NRXN1: variants seen among roughly 807,000 people sequenced by gnomAD.
The protein encoded by NRXN1 is neurexin-1.
A neutral mutation model predicts 150.9 loss-of-function variants in NRXN1; 39 were observed. That is an observed-to-expected ratio of 0.26 (90% CI 0.20 to 0.34). The LOEUF (loss-of-function observed/expected upper bound fraction) is 0.34. Among genes scored for constraint, NRXN1 ranks in the 10% least tolerant of loss-of-function variants. The pLI, the probability that NRXN1 is intolerant of heterozygous loss-of-function variation, is 1.00. For synonymous variants in NRXN1, 924 were observed against 757.0 expected (o/e 1.22, Z -3.62); for missense variants, 1,815 against 1,949.9 (o/e 0.93, Z 1.30).
intron 5 of NRXN1, among the ~76,000 whole-genome samples, chr2:50,694,967 A>G (rs1692606390): frequency 6.6e-6 from 1 of 152,118 alleles, no homozygotes; most frequent in African/African-American, 2.4e-5. Flanking sequence ...TCATAGCCAA[A>G]TCACCTCCAT....
At chr2:50,011,521 C>T (rs1038037122) in intron 21 of NRXN1, among the ~76,000 whole-genome samples, 2 of 152,056 alleles carry the variant, frequency 1.3e-5, no homozygotes, top group Non-Finnish European at 1.5e-5. Context: ...TATCTTTGTG[C>T]TCAAGTGTTT....
intron 2 of NRXN1, among the ~76,000 whole-genome samples, chr2:50,978,081 C>T (rs1208076312): frequency 6.6e-6 from 1 of 150,990 alleles, no homozygotes; most frequent in African/African-American, 2.4e-5. Flanking sequence ...ACTGATACTA[C>T]AGTGATCTAT....
At chr2:50,710,202 C>A (rs1030509128) in intron 5 of NRXN1, among the ~76,000 whole-genome samples, 1 of 152,142 alleles carries the variant, frequency 6.6e-6, no homozygotes, top group Non-Finnish European at 1.5e-5. Flanking sequence ...GTCGACCACA[C>A]GCCAGGAAAG....
At chr2:49,939,281 GA>G (rs951719996) in intron 22 of NRXN1, among the ~76,000 whole-genome samples, 1 of 152,146 alleles carries the variant, frequency 6.6e-6, no homozygotes, top group Admixed American at 6.5e-5. Context: ...GAAAAATTAT[GA>G]AAAAAATGTT....
intron 5 of NRXN1, among the ~76,000 whole-genome samples, chr2:50,793,626 G>A: frequency 6.6e-6 from 1 of 152,056 alleles, no homozygotes; most frequent in East Asian, 1.9e-4. Context: ...ACAGAAAGAG[G>A]CAGCTGAAGA....
chr2:50,914,227 A>T (rs1306748387), intron 5 of NRXN1, among the ~76,000 whole-genome samples: 2 of 151,728 alleles, frequency 1.3e-5, no homozygotes, highest in Non-Finnish European at 2.9e-5. Context: ...GTGCTGAGAA[A>T]GAAAAATCAA....
chr2:50,153,627 G>A (rs1044967803), intron 18 of NRXN1, among the ~76,000 whole-genome samples: 8 of 151,660 alleles, frequency 5.3e-5, no homozygotes, highest in Admixed American at 1.3e-4. Context: ...TATGCACACC[G>A]ACTTTCTAAT....
At chr2:50,427,724 C>G (rs2084614153) in intron 17 of NRXN1, among the ~76,000 whole-genome samples, 2 of 152,342 alleles carry the variant, frequency 1.3e-5, no homozygotes, top group East Asian at 3.9e-4. Flanking sequence ...GCCCTTGCTT[C>G]AGTCAGTAAT....
chr2:50,488,649 T>TC (rs1400960240), intron 15 of NRXN1, among the ~76,000 whole-genome samples: 1 of 152,174 alleles, frequency 6.6e-6, no homozygotes, highest in Non-Finnish European at 1.5e-5. Flanking sequence ...TGTCTCCCTG[T>TC]CCCTTTCCAC....
At chr2:50,572,474 T>C (rs1388954979) in intron 8 of NRXN1, among the ~76,000 whole-genome samples, 1 of 152,216 alleles carries the variant, frequency 6.6e-6, no homozygotes, top group Non-Finnish European at 1.5e-5. Context: ...AATATATGAA[T>C]GATTTCAAAG....
At chr2:50,416,883 T>G (rs2083578487) in intron 17 of NRXN1, among the ~76,000 whole-genome samples, 1 of 152,162 alleles carries the variant, frequency 6.6e-6, no homozygotes, top group Non-Finnish European at 1.5e-5. Flanking sequence ...GAGATTTCGG[T>G]GGGGACACAG....
At chr2:50,915,021 T>C (rs1174006391) in intron 5 of NRXN1, among the ~76,000 whole-genome samples, 2 of 151,562 alleles carry the variant, frequency 1.3e-5, no homozygotes, top group Non-Finnish European at 3.0e-5. Flanking sequence ...TGTTAAAAGA[T>C]AGTAATTTCT....
chr2:49,997,616 C>T (rs1351309582), intron 21 of NRXN1, among the ~76,000 whole-genome samples: 2 of 152,048 alleles, frequency 1.3e-5, no homozygotes, highest in Admixed American at 1.3e-4. Flanking sequence ...CATTTTTATC[C>T]TAACATAGCC....
intron 5 of NRXN1, among the ~76,000 whole-genome samples, chr2:50,688,490 T>G (rs2104855714): frequency 6.6e-6 from 1 of 152,258 alleles, no homozygotes; most frequent in Non-Finnish European, 1.5e-5. Flanking sequence ...TTCACCTCTC[T>G]AAAACAGAGT....
chr2:49,955,818 GA>G (rs1674836619), intron 21 of NRXN1, among the ~76,000 whole-genome samples: 1 of 151,996 alleles, frequency 6.6e-6, no homozygotes, highest in Non-Finnish European at 1.5e-5. Flanking sequence ...TTCACACCAA[GA>G]AATAGTGTAA....
At chr2:50,199,710 C>G (rs1433739529) in intron 18 of NRXN1, among the ~76,000 whole-genome samples, 2 of 152,030 alleles carry the variant, frequency 1.3e-5, no homozygotes, top group Non-Finnish European at 2.9e-5. Context: ...AGCATGCAAT[C>G]ACATTTTTAT....
chr2:50,344,720 A>G (rs1296241280), intron 17 of NRXN1, among the ~76,000 whole-genome samples: 1 of 152,170 alleles, frequency 6.6e-6, no homozygotes, highest in Non-Finnish European at 1.5e-5. Flanking sequence ...AGGAAAAAGG[A>G]GTGCCCCACT....
intron 17 of NRXN1, 106 bp downstream of exon 17, chr2:50,465,336 C>T (rs910302804): frequency 2.1e-5 from 24 of 1,138,202 alleles, no homozygotes; most frequent in African/African-American, 9.3e-5. Flanking sequence ...TATGACAGTT[C>T]GACTGACTCA....
At chr2:50,942,305 G>C (rs1040972933) in intron 2 of NRXN1, among the ~76,000 whole-genome samples, 1 of 152,172 alleles carries the variant, frequency 6.6e-6, no homozygotes, top group East Asian at 1.9e-4. Flanking sequence ...AATGCAGAGA[G>C]GAAATATGGG....
Sources: gnomAD v4.1 joint callset for allele counts (sites outside exome capture counted in the v4.1 genomes callset) on GRCh38, gnomAD v4.1.1 for gene constraint, MANE v1.5 for transcripts, NCBI Gene and HGNC (gene_info 2026-07-23, HGNC 2026-07-21) for gene names.